Variants in DYNAP observed in about 807,000 individuals in gnomAD.
The protein encoded by DYNAP is dynactin associated protein.
In DYNAP, 7 loss-of-function variants were observed where a neutral mutation model predicts 8.5. The observed-to-expected ratio is 0.82, with a 90% CI of 0.47 to 1.54. The LOEUF (loss-of-function observed/expected upper bound fraction) is 1.54, where lower values mean the gene tolerates loss of function less well. Among genes scored for constraint, DYNAP ranks in the 40% most tolerant of loss-of-function variants. DYNAP has a pLI of 0.01. For missense variants in DYNAP, 256 were observed against 224.3 expected (o/e 1.14, Z -0.90); for synonymous variants, 77 against 77.9 (o/e 0.99, Z 0.06).
At chr18:54,589,439 A>G (rs939551860), upstream of DYNAP, among the ~76,000 whole-genome samples, 1 of 152,204 alleles carries the variant, frequency 6.6e-6, no homozygotes, top group Non-Finnish European at 1.5e-5. Context: ...CATTCAAAGA[A>G]TTGTTCATAA....
intron 2 of DYNAP, 29 bp from the exon 3 acceptor site, chr18:54,597,784 A>G (rs1230224172): frequency 5.1e-6 from 8 of 1,561,728 alleles, no homozygotes; most frequent in Middle Eastern, 1.7e-4. Flanking sequence ...TTTGTTTTTC[A>G]TTGCTGATAT....
At chr18:54,594,849 C>T (rs1911218516) in intron 1 of DYNAP, 90 bp from the exon 2 acceptor site, 2 of 1,390,576 alleles carry the variant, frequency 1.4e-6, no homozygotes, top group Middle Eastern at 1.9e-4. Context: ...AAGTCATACT[C>T]TTAGGTACTT....
the DYNAP span, among the ~76,000 whole-genome samples, chr18:54,576,431 G>A: frequency 6.6e-6 from 1 of 152,094 alleles, no homozygotes; most frequent in Non-Finnish European, 1.5e-5. Context: ...ATTTTCATCT[G>A]TCAGTGGGTG....
chr18:54,578,518 G>A, the DYNAP span, among the ~76,000 whole-genome samples: 1 of 152,102 alleles, frequency 6.6e-6, no homozygotes, highest in Admixed American at 6.5e-5. Flanking sequence ...CTGATCAAAA[G>A]GCAAATTAGT....
At chr18:54,584,841 C>G (rs1004491781), upstream of DYNAP, among the ~76,000 whole-genome samples, 1 of 152,102 alleles carries the variant, frequency 6.6e-6, no homozygotes, top group East Asian at 1.9e-4. Flanking sequence ...TTTCTTAATG[C>G]ATTTTTTAAA....
At chr18:54,597,386 C>G (rs1196570359) in intron 2 of DYNAP, among the ~76,000 whole-genome samples, 1 of 151,944 alleles carries the variant, frequency 6.6e-6, no homozygotes, top group East Asian at 1.9e-4. Context: ...CTAAAGTAAT[C>G]TGATAATGGT....
At position 54,594,945 on chromosome 18, in the gene DYNAP, A is replaced by G. The variant is rs1368454435; in HGVS notation, c.64A>G (p.Thr22Ala). The G allele has an allele frequency of 6.2e-7, 1 of 1,610,062 alleles. No individual in the cohort carries two copies. The highest frequency in any genetic ancestry group is 1.7e-5 in the Admixed American group (1 of 59,604). ...VEHSENQPPI[T>A]HPNDQEAHSS... ...TTCCACTCTGCCTTTGTAGCCAATC[A>G]CACATCCAAATGACCAAGAGGCTCA... Residue 22 changes from threonine to alanine, a missense_variant, in exon 2 of 3, where the codon ACA (threonine) becomes GCA (alanine). Physicochemically the swap from Thr to Ala is moderately conservative, Grantham distance 58 (BLOSUM62 0). Coordinates refer to ENST00000648945, the MANE Select transcript of DYNAP (RefSeq NM_173629.3).
At chr18:54,585,182 G>C (rs1191908305), upstream of DYNAP, among the ~76,000 whole-genome samples, 3 of 151,986 alleles carry the variant, frequency 2.0e-5, no homozygotes, top group African/African-American at 7.2e-5. Flanking sequence ...GCAGTTAACA[G>C]TGTGACTAGA....
rs1911069760 is a variant in DYNAP at position 54,591,344 on chromosome 18, G to C, written c.57+5G>C. ...GAGCACTCTGAAAACCAGCCGGTGA[G>C]TGTCCTTGCTCCATTTTGATAGTTT... On this transcript the variant is annotated splice_donor_5th_base_variant and intron_variant, in intron 1 of 2. Coordinates refer to ENST00000648945, the MANE Select transcript of DYNAP (RefSeq NM_173629.3). 1 of 1,603,166 alleles carries C rather than the reference G, an allele frequency of 6.2e-7. No individual in the cohort carries two copies. Among genetic ancestry groups the C allele is most frequent in the Non-Finnish European group, 8.5e-7 (1 of 1,174,816 alleles).
upstream of DYNAP, among the ~76,000 whole-genome samples, chr18:54,590,884 G>T (rs1911041938): frequency 6.6e-6 from 1 of 152,116 alleles, no homozygotes; most frequent in African/African-American, 2.4e-5. Context: ...CAAGGGGAGA[G>T]AGGCTTTTGT....
Position 54,598,430 on chromosome 18 carries a change from G to A in DYNAP, c.*285G>A. ...CACTTCCACTTAACCTATAACTACT[G>A]TAACTTCTACTTAGCCTACAGTAAC... On this transcript the variant is annotated 3_prime_UTR_variant, in exon 3 of 3. Transcript: ENST00000648945. 2.9e-6 allele frequency: 1 copy of A among 346,896 alleles called. No individual in the cohort carries two copies. The allele number at this position is 346,896 out of a possible 1,614,324, so 21.5% of individuals were successfully genotyped here.
chr18:54,585,411 A>G (rs980588050), upstream of DYNAP, among the ~76,000 whole-genome samples: 2 of 151,818 alleles, frequency 1.3e-5, no homozygotes, highest in Non-Finnish European at 2.9e-5. Flanking sequence ...ACCGATTTTC[A>G]TTCTAGCTTT....
At chr18:54,579,962 TA>T in the DYNAP span, among the ~76,000 whole-genome samples, 50 of 152,238 alleles carry the variant, frequency 3.3e-4, no homozygotes, top group Non-Finnish European at 1.5e-5. Flanking sequence ...TATTTTGATG[TA>T]ATGAGGTCAA....
At chr18:54,583,984 AGACT>A (rs1910796410), upstream of DYNAP, among the ~76,000 whole-genome samples, 1 of 152,138 alleles carries the variant, frequency 6.6e-6, no homozygotes, top group African/African-American at 2.4e-5. Flanking sequence ...AACAAAAGAA[AGACT>A]AACAACTCCA....
intron 1 of DYNAP, 69 bp from the exon 2 acceptor site, chr18:54,594,870 A>C (rs1181373583): frequency 1.3e-6 from 2 of 1,499,356 alleles, no homozygotes; most frequent in Admixed American, 4.5e-5. Flanking sequence ...TTGATAGAAG[A>C]ATTTTATTTT....
At chr18:54,591,451 T>G in intron 1 of DYNAP, 112 bp downstream of exon 1, 1 of 1,292,150 alleles carries the variant, frequency 7.7e-7, no homozygotes, top group Non-Finnish European at 1.0e-6. Context: ...TAATTTTGCA[T>G]TCTTCTCCAA....
At position 54,599,396 on chromosome 18, in the gene DYNAP, G is replaced by A. The variant is rs550806528; in HGVS notation, c.*1251G>A. On this transcript the variant is annotated 3_prime_UTR_variant, in exon 3 of 3. Coordinates refer to ENST00000648945, the MANE Select transcript of DYNAP (RefSeq NM_173629.3). ...CAGTAATACTAGCCTACAACTACTCGCCACACTGGCTCTTCCCCAAAATTG... is the reference window on the plus strand; with the variant it reads ...CAGTAATACTAGCCTACAACTACTCACCACACTGGCTCTTCCCCAAAATTG... 5.3e-5 allele frequency: 8 copies of A among 152,006 alleles called. No individual in the cohort carries two copies. The South Asian group carries it at 8.3e-4, about 16-fold the overall frequency. 9.4% of individuals were successfully genotyped at this position (152,006 alleles called of 1,614,324 possible).
chr18:54,591,223 G>A (rs2144886175), upstream of DYNAP: 3 of 1,611,616 alleles, frequency 1.9e-6, no homozygotes, highest in East Asian at 2.2e-5. Context: ...AGATATAAAG[G>A]GCAATGAACA....
upstream of DYNAP, among the ~76,000 whole-genome samples, chr18:54,586,896 T>C (rs1036923922): frequency 2.6e-5 from 4 of 152,214 alleles, no homozygotes; most frequent in Non-Finnish European, 4.4e-5. Context: ...CAAATCTATG[T>C]CAGAGATTGC....
Sources: gnomAD v4.1 joint callset for allele counts (sites outside exome capture counted in the v4.1 genomes callset) on GRCh38, gnomAD v4.1.1 for gene constraint, MANE v1.5 for transcripts, NCBI Gene and HGNC (gene_info 2026-07-23, HGNC 2026-07-21) for gene names.